PKNOX2: variants seen among roughly 807,000 people sequenced by gnomAD.
PKNOX2 encodes homeobox protein PKNOX2.
A neutral mutation model predicts 53.1 loss-of-function variants in PKNOX2; 14 were observed. That is an observed-to-expected ratio of 0.26 (90% CI 0.17 to 0.41). The LOEUF is 0.41. Ranked by LOEUF, PKNOX2 falls within the 10% of genes least tolerant of loss-of-function variation. PKNOX2 has a pLI of 1.00. For missense variants in PKNOX2, 496 were observed against 602.8 expected, an observed-to-expected ratio of 0.82 and a Z score of 1.85; for synonymous variants, 257 against 242.8, an observed-to-expected ratio of 1.06 and a Z score of -0.54.
chr11:125,306,833 C>G (rs879655338), intron 2 of PKNOX2, among the ~76,000 whole-genome samples: 15 of 152,204 alleles, frequency 9.9e-5, no homozygotes, highest in Non-Finnish European at 7.3e-5. Flanking sequence ...CCCACTACCC[C>G]CTCCCCCATT....
chr11:125,212,228 T>C (rs12808899), intron 1 of PKNOX2, among the ~76,000 whole-genome samples: 31,140 of 151,894 alleles, frequency 0.21, 3,476 homozygotes, highest in African/African-American at 0.26. Context: ...GAGATCAGTC[T>C]AGAAACATGT....
intron 1 of PKNOX2, among the ~76,000 whole-genome samples, chr11:125,203,451 C>G (rs1245050429): frequency 6.6e-6 from 1 of 152,228 alleles, no homozygotes; most frequent in Non-Finnish European, 1.5e-5. Flanking sequence ...AGGACAATTA[C>G]AAGTGGCTCC....
At chr11:125,420,035 A>G (rs1346811168) in intron 10 of PKNOX2, among the ~76,000 whole-genome samples, 3 of 151,450 alleles carry the variant, frequency 2.0e-5, no homozygotes, top group Non-Finnish European at 4.4e-5. Context: ...AAAATACAAA[A>G]AAATAGCCAG....
At chr11:125,304,561 C>G (rs1484544881) in intron 2 of PKNOX2, among the ~76,000 whole-genome samples, 1 of 152,234 alleles carries the variant, frequency 6.6e-6, no homozygotes, top group Non-Finnish European at 1.5e-5. Flanking sequence ...GGAACAGAAC[C>G]AAGGGCTGGT....
intron 2 of PKNOX2, among the ~76,000 whole-genome samples, chr11:125,316,212 C>T (rs117537211): frequency 0.029 from 4,410 of 152,296 alleles, 156 homozygotes; most frequent in East Asian, 0.17. Context: ...TAGTGGTCGT[C>T]CATCCACCTG....
At position 125,201,745 on chromosome 11, in the gene PKNOX2, A is replaced by G. The variant is rs571550243; in HGVS notation, c.-200-33300A>G. Reference sequence around the variant, plus strand: ...TGTTATTAATGGCCATGTGGATCAAATTCCTCAGCCTTACTTCCTTCAAGG... The same window carrying G: ...TGTTATTAATGGCCATGTGGATCAAGTTCCTCAGCCTTACTTCCTTCAAGG... On this transcript the variant is annotated intron_variant, in intron 1 of 12. Coordinates refer to ENST00000298282, the MANE Select transcript of PKNOX2 (RefSeq NM_001382323.2). Among the ~76,000 whole-genome samples the G allele has an allele frequency of 2.6e-5, 4 of 152,298 alleles. No homozygotes were observed. In the East Asian group the frequency reaches 7.7e-4, roughly 29 times the overall value.
At chr11:125,263,645 C>T (rs374728811) in intron 2 of PKNOX2, among the ~76,000 whole-genome samples, 1 of 152,182 alleles carries the variant, frequency 6.6e-6, no homozygotes, top group Non-Finnish European at 1.5e-5. Context: ...GGAGAGCTGC[C>T]GAGGGCCAGA....
intron 4 of PKNOX2, among the ~76,000 whole-genome samples, chr11:125,362,532 G>A (rs1364968553): frequency 6.6e-6 from 1 of 151,970 alleles, no homozygotes; most frequent in Non-Finnish European, 1.5e-5. Context: ...ACCGCATCCA[G>A]CCAATTTATT....
At chr11:125,430,487 G>A (rs1019723551) in intron 12 of PKNOX2, among the ~76,000 whole-genome samples, 11 of 152,140 alleles carry the variant, frequency 7.2e-5, no homozygotes, top group African/African-American at 2.4e-4. Flanking sequence ...ATCAAGGCAG[G>A]CAGCTGGCTC....
chr11:125,295,069 C>T (rs1470178640), intron 2 of PKNOX2, among the ~76,000 whole-genome samples: 1 of 152,122 alleles, frequency 6.6e-6, no homozygotes, highest in African/African-American at 2.4e-5. Context: ...GACAGTGAAG[C>T]TAGAGGCGGG....
At chr11:125,379,401 A>G (rs1953081395) in intron 5 of PKNOX2, among the ~76,000 whole-genome samples, 2 of 152,230 alleles carry the variant, frequency 1.3e-5, no homozygotes, top group Admixed American at 6.5e-5. Flanking sequence ...TTTAATAAAA[A>G]GAAATTAGCC....
At chr11:125,406,217 C>T (rs1376993589) in intron 7 of PKNOX2, among the ~76,000 whole-genome samples, 1 of 152,218 alleles carries the variant, frequency 6.6e-6, no homozygotes, top group Non-Finnish European at 1.5e-5. Flanking sequence ...TCTGGAAGTT[C>T]CTTCCTCAGA....
At chr11:125,225,134 C>G (rs1161894071) in intron 1 of PKNOX2, among the ~76,000 whole-genome samples, 1 of 152,196 alleles carries the variant, frequency 6.6e-6, no homozygotes, top group Non-Finnish European at 1.5e-5. Context: ...TCAACATGCC[C>G]CTGTCTGGAT....
rs1565462469 is a variant in PKNOX2, at chr11:125,178,653, GGA to G, written c.-201+13878_-201+13879del. Reference sequence around the variant, plus strand: ...AAGAAAGAAAGAAAGAAAGAAGGAAGGAAGGAAGGAAGGAAGGAAAGAAAGAG... The same window carrying G: ...AAGAAAGAAAGAAAGAAAGAAGGAAGAGGAAGGAAGGAAGGAAAGAAAGAG... On this transcript the variant is annotated intron_variant, in intron 1 of 12. Transcript: ENST00000298282. Among the ~76,000 whole-genome samples, 38 of 56,682 alleles carry G rather than the reference GGA, an allele frequency of 6.7e-4. 12 individuals are homozygous for G. Among genetic ancestry groups the G allele is most frequent in the African/African-American group, 3.3e-3 (36 of 10,934 alleles). The allele number at this position is 56,682 out of a possible 152,430, so 37.2% of individuals were successfully genotyped here.
intron 2 of PKNOX2, among the ~76,000 whole-genome samples, chr11:125,260,748 A>G (rs1425028394): frequency 6.6e-6 from 1 of 152,124 alleles, no homozygotes; most frequent in Non-Finnish European, 1.5e-5. Flanking sequence ...CTCCATGCAC[A>G]CACACGGCTG....
chr11:125,393,025 C>T (rs1459610176), intron 6 of PKNOX2, among the ~76,000 whole-genome samples: 2 of 151,602 alleles, frequency 1.3e-5, no homozygotes, highest in African/African-American at 4.8e-5. Flanking sequence ...ATTAGCCCGG[C>T]GTGGTGGCGG....
intron 4 of PKNOX2, among the ~76,000 whole-genome samples, chr11:125,360,893 G>A (rs925058069): frequency 1.3e-5 from 2 of 152,210 alleles, no homozygotes; most frequent in African/African-American, 4.8e-5. Context: ...GTTGAAAAAG[G>A]TTGAGTAACT....
intron 3 of PKNOX2, among the ~76,000 whole-genome samples, chr11:125,349,366 A>T (rs1485110468): frequency 1.3e-5 from 2 of 151,852 alleles, no homozygotes; most frequent in African/African-American, 4.8e-5. Context: ...GGCTCCCCCA[A>T]AGCCCCCTCC....
At chr11:125,270,878 A>G (rs1945744125) in intron 2 of PKNOX2, among the ~76,000 whole-genome samples, 1 of 152,142 alleles carries the variant, frequency 6.6e-6, no homozygotes, top group South Asian at 2.1e-4. Flanking sequence ...CAGGGCCTGT[A>G]TCAGGCATGG....
Sources: allele counts gnomAD v4.1 joint callset (sites outside exome capture counted in the v4.1 genomes callset), GRCh38; gene constraint gnomAD v4.1.1; transcripts MANE v1.5; gene names NCBI Gene and HGNC (gene_info 2026-07-23, HGNC 2026-07-21).